Variants in CMTM8 observed in about 807,000 individuals in gnomAD.
CMTM8 encodes CKLF like MARVEL transmembrane domain containing 8.
CMTM8 carries 12 observed loss-of-function variants against 18.6 expected under a neutral mutation model. The ratio of observed to expected loss-of-function variants is 0.65; its 90% confidence interval spans 0.41 to 1.05. The LOEUF is 1.05. Among genes scored for constraint, CMTM8 ranks in the 50% least tolerant of loss-of-function variants. The pLI is 0.00. For synonymous variants in CMTM8, 87 were observed against 90.6 expected, an observed-to-expected ratio of 0.96 and a Z score of 0.23; for missense variants, 217 against 227.2, an observed-to-expected ratio of 0.95 and a Z score of 0.29.
At chr3:32,353,033 G>A (rs568539745) in intron 1 of CMTM8, among the ~76,000 whole-genome samples, 21 of 152,186 alleles carry the variant, frequency 1.4e-4, no homozygotes, top group African/African-American at 5.1e-4. Flanking sequence ...CAGGCTCTGC[G>A]CCTGTGCTGG....
intron 1 of CMTM8, among the ~76,000 whole-genome samples, chr3:32,285,618 A>G (rs1378017676): frequency 1.3e-5 from 2 of 152,148 alleles, no homozygotes; most frequent in Admixed American, 1.3e-4. Flanking sequence ...GGTTGTGATA[A>G]AGTACTGTAG....
At chr3:32,252,819 A>T (rs1239577892) in intron 1 of CMTM8, among the ~76,000 whole-genome samples, 1 of 152,220 alleles carries the variant, frequency 6.6e-6, no homozygotes, top group Non-Finnish European at 1.5e-5. Flanking sequence ...ATGTCAAATA[A>T]TTGGGATGAT....
chr3:32,240,571 G>A (rs1237653787), intron 1 of CMTM8, among the ~76,000 whole-genome samples: 1 of 152,134 alleles, frequency 6.6e-6, no homozygotes, highest in Non-Finnish European at 1.5e-5. Context: ...TTATCGATAT[G>A]CTCTGTGTAC....
intron 1 of CMTM8, among the ~76,000 whole-genome samples, chr3:32,278,232 C>T (rs1182330747): frequency 6.6e-6 from 1 of 152,230 alleles, no homozygotes; most frequent in Non-Finnish European, 1.5e-5. Context: ...GAATGTACAG[C>T]ATGGCCACAT....
chr3:32,255,057 A>G (rs1267989041), intron 1 of CMTM8, among the ~76,000 whole-genome samples: 1 of 152,122 alleles, frequency 6.6e-6, no homozygotes, highest in Non-Finnish European at 1.5e-5. Flanking sequence ...CACTTAGCAT[A>G]GTATTTTCAA....
intron 1 of CMTM8, among the ~76,000 whole-genome samples, chr3:32,267,870 G>T (rs924183822): frequency 1.3e-5 from 2 of 152,186 alleles, no homozygotes; most frequent in African/African-American, 2.4e-5. Flanking sequence ...GGCCATCAGA[G>T]AAATGCAAAT....
intron 1 of CMTM8, among the ~76,000 whole-genome samples, chr3:32,295,483 A>AAAAAAAAAAAAAAG (rs1559372458): frequency 8.5e-6 from 1 of 117,052 alleles, no homozygotes; most frequent in African/African-American, 3.7e-5. Flanking sequence ...AAAAAACAAA[A>AAAAAAAAAAAAAAG]CAAAACAGCG....
At chr3:32,245,268 C>T (rs1385615534) in intron 1 of CMTM8, among the ~76,000 whole-genome samples, 1 of 152,192 alleles carries the variant, frequency 6.6e-6, no homozygotes, top group Non-Finnish European at 1.5e-5. Context: ...CCTGCCTGAA[C>T]CTGGGGAAAT....
chr3:32,251,880 A>G (rs1201171130), intron 1 of CMTM8, among the ~76,000 whole-genome samples: 1 of 151,764 alleles, frequency 6.6e-6, no homozygotes, highest in Non-Finnish European at 1.5e-5. Flanking sequence ...GCTTGAGCTC[A>G]GGAGTTCGAG....
chr3:32,245,947 C>T (rs1002989548), intron 1 of CMTM8, among the ~76,000 whole-genome samples: 4 of 152,104 alleles, frequency 2.6e-5, no homozygotes, highest in East Asian at 1.9e-4. Context: ...TCCTGAGTAA[C>T]TGGGTTTACA....
intron 1 of CMTM8, among the ~76,000 whole-genome samples, chr3:32,311,696 C>G (rs150947747): frequency 5.1e-4 from 77 of 152,278 alleles, no homozygotes; most frequent in African/African-American, 1.8e-3. Context: ...TTTTTCCCCC[C>G]ACACCAACCG....
At chr3:32,316,701 T>A (rs1035158155) in intron 1 of CMTM8, among the ~76,000 whole-genome samples, 2 of 152,184 alleles carry the variant, frequency 1.3e-5, no homozygotes, top group Admixed American at 6.6e-5. Context: ...GCAATTTTCA[T>A]TGAAACTCCA....
At chr3:32,244,440 C>G (rs1209790697) in intron 1 of CMTM8, among the ~76,000 whole-genome samples, 3 of 152,232 alleles carry the variant, frequency 2.0e-5, no homozygotes, top group African/African-American at 7.2e-5. Flanking sequence ...CCTCCTTAGG[C>G]CTCCAAAAAC....
chr3:32,248,477 T>G (rs971182198), intron 1 of CMTM8, among the ~76,000 whole-genome samples: 4 of 152,148 alleles, frequency 2.6e-5, no homozygotes, highest in African/African-American at 9.7e-5. Flanking sequence ...TTCTCCTGCC[T>G]CAGCCTCCTG....
At chr3:32,282,120 A>T (rs1195992695) in intron 1 of CMTM8, among the ~76,000 whole-genome samples, 1 of 152,176 alleles carries the variant, frequency 6.6e-6, no homozygotes, top group Non-Finnish European at 1.5e-5. Context: ...CTCTTCTGAT[A>T]TGTCTCATAG....
intron 1 of CMTM8, among the ~76,000 whole-genome samples, chr3:32,282,786 C>T (rs1702627314): frequency 6.6e-6 from 1 of 152,216 alleles, no homozygotes; most frequent in South Asian, 2.1e-4. Flanking sequence ...CTGCGCTCCA[C>T]TCCTGGGTGA....
At chr3:32,359,363 G>T (rs1696876819) in intron 2 of CMTM8, among the ~76,000 whole-genome samples, 1 of 152,170 alleles carries the variant, frequency 6.6e-6, no homozygotes, top group African/African-American at 2.4e-5. Flanking sequence ...TAGCATTTTG[G>T]GTAGACACCA....
chr3:32,308,788 A>G lies in CMTM8; in HGVS notation c.148-48585A>G, dbSNP rs546554898. On this transcript the variant is annotated intron_variant, in intron 1 of 3. Transcript: ENST00000307526. ...TGACGCTTAGTGAACTTTAATATAT[A>G]TTATCCATTAGATCCTATGGTGCAA... Among the ~76,000 whole-genome samples the G allele has an allele frequency of 2.6e-5, 4 of 152,328 alleles. No individual in the cohort carries two copies. In the South Asian group the frequency reaches 6.2e-4, roughly 24 times the overall value.
At chr3:32,251,503 C>CG (rs1166918487) in intron 1 of CMTM8, among the ~76,000 whole-genome samples, 1 of 68 alleles carries the variant, frequency 0.015, no homozygotes. Flanking sequence ...TTGGTGGAGA[C>CG]AGGTTTTGCC....
Sources: gnomAD v4.1 joint callset for allele counts (sites outside exome capture counted in the v4.1 genomes callset) on GRCh38, gnomAD v4.1.1 for gene constraint, MANE v1.5 for transcripts, NCBI Gene and HGNC (gene_info 2026-07-23, HGNC 2026-07-21) for gene names.